SLX4IP: variants seen among roughly 807,000 people sequenced by gnomAD.
SLX4IP encodes the protein SLX4 interacting protein, also known as protein SLX4IP.
In SLX4IP, 34 loss-of-function variants were observed where a neutral mutation model predicts 32.9. That is an observed-to-expected ratio of 1.03 (90% CI 0.79 to 1.38). The LOEUF (loss-of-function observed/expected upper bound fraction) is 1.38, where lower values mean the gene tolerates loss of function less well. SLX4IP is among the 40% of genes most tolerant of loss of function. The pLI, the probability that SLX4IP is intolerant of heterozygous loss-of-function variation, is 0.00. For missense variants in SLX4IP, 444 were observed against 479.0 expected (o/e 0.93, Z 0.68); for synonymous variants, 172 against 171.7 (o/e 1.00, Z -0.01).
At chr20:10,454,087 A>G (rs992088884) in intron 1 of SLX4IP, among the ~76,000 whole-genome samples, 4 of 151,852 alleles carry the variant, frequency 2.6e-5, no homozygotes, top group Admixed American at 2.0e-4. Flanking sequence ...CTCCCTCCAT[A>G]CTTTGTTTCA....
chr20:10,474,032 A>G (rs225147), intron 2 of SLX4IP, among the ~76,000 whole-genome samples: 3,316 of 152,220 alleles, frequency 0.022, 57 homozygotes, highest in Middle Eastern at 0.099. Context: ...CATGTTGGCC[A>G]GACTGGTCTC....
intron 2 of SLX4IP, among the ~76,000 whole-genome samples, chr20:10,459,212 G>T (rs2065315172): frequency 6.6e-6 from 1 of 151,596 alleles, no homozygotes; most frequent in African/African-American, 2.4e-5. Context: ...GGCGTCATTT[G>T]TTTTTTTTCT....
intron 2 of SLX4IP, among the ~76,000 whole-genome samples, chr20:10,486,925 G>GT (rs33957420): frequency 0.57 from 84,944 of 148,682 alleles, 25,025 homozygotes; most frequent in South Asian, 0.73. Flanking sequence ...AACTTGCTCT[G>GT]TTTTTTTTTT....
intron 2 of SLX4IP, among the ~76,000 whole-genome samples, chr20:10,494,445 GTC>G (rs1485946981): frequency 6.6e-6 from 1 of 150,708 alleles, no homozygotes; most frequent in Non-Finnish European, 1.5e-5. Flanking sequence ...ATGCTTTTGA[GTC>G]TGTTATTAAT....
chr20:10,610,410 A>C (rs2066952475), intron 6 of SLX4IP, among the ~76,000 whole-genome samples: 1 of 152,242 alleles, frequency 6.6e-6, no homozygotes, highest in Non-Finnish European at 1.5e-5. Context: ...TTCCCCTTAG[A>C]GACCCGCCCT....
At chr20:10,480,302 A>C (rs1035772418) in intron 2 of SLX4IP, among the ~76,000 whole-genome samples, 1 of 151,878 alleles carries the variant, frequency 6.6e-6, no homozygotes, top group Non-Finnish European at 1.5e-5. Context: ...ATTGGGGCCG[A>C]GATGGGAGGA....
At chr20:10,474,564 CT>C (rs906510888) in intron 2 of SLX4IP, among the ~76,000 whole-genome samples, 2 of 151,846 alleles carry the variant, frequency 1.3e-5, no homozygotes, top group Non-Finnish European at 2.9e-5. Context: ...TTTCCTTTTT[CT>C]TTTTTCCCCC....
At chr20:10,592,955 A>T (rs913566533) in intron 4 of SLX4IP, among the ~76,000 whole-genome samples, 1 of 152,130 alleles carries the variant, frequency 6.6e-6, no homozygotes, top group Non-Finnish European at 1.5e-5. Context: ...AGTATATTAT[A>T]TGTTCCTAGT....
chr20:10,592,766 C>T (rs769157289), intron 4 of SLX4IP, among the ~76,000 whole-genome samples: 1 of 149,842 alleles, frequency 6.7e-6, no homozygotes, highest in Non-Finnish European at 1.5e-5. Context: ...TCCCAAGTAA[C>T]TGGGACTACA....
intron 2 of SLX4IP, among the ~76,000 whole-genome samples, chr20:10,549,710 T>C (rs1336808974): frequency 6.6e-6 from 1 of 152,230 alleles, no homozygotes; most frequent in East Asian, 1.9e-4. Context: ...AATCTTGGAC[T>C]AGACCTTCCC....
intron 2 of SLX4IP, among the ~76,000 whole-genome samples, chr20:10,534,960 A>G (rs2066026021): frequency 6.6e-6 from 1 of 152,188 alleles, no homozygotes; most frequent in African/African-American, 2.4e-5. Context: ...GATATGGTCA[A>G]CCTCTTACCA....
At chr20:10,499,758 G>A (rs1161882514) in intron 2 of SLX4IP, among the ~76,000 whole-genome samples, 1 of 152,214 alleles carries the variant, frequency 6.6e-6, no homozygotes, top group Non-Finnish European at 1.5e-5. Context: ...TTTTTAAAAT[G>A]TAGTCCTTTA....
At chr20:10,451,107 G>A (rs2065237976) in intron 1 of SLX4IP, among the ~76,000 whole-genome samples, 1 of 151,946 alleles carries the variant, frequency 6.6e-6, no homozygotes, top group Non-Finnish European at 1.5e-5. Flanking sequence ...TTTGAGTTAG[G>A]TATTATTACT....
At chr20:10,467,368 T>C (rs892771152) in intron 2 of SLX4IP, among the ~76,000 whole-genome samples, 8 of 152,204 alleles carry the variant, frequency 5.3e-5, no homozygotes, top group African/African-American at 1.7e-4. Context: ...AATGGTTATA[T>C]TCCTTACTGG....
rs370961344 is a variant in SLX4IP, at chr20:10,592,834, A to G, written c.239-5841A>G. ...ATTTTAGTAGAGACAGGGTTTCACC[A>G]TGTGAGCCAGGATGGTCTCGATCTC... On this transcript the variant is annotated intron_variant, in intron 4 of 7. Coordinates refer to ENST00000334534, the MANE Select transcript of SLX4IP (RefSeq NM_001009608.3). Among the ~76,000 whole-genome samples the G allele has an allele frequency of 2.7e-4, 41 of 151,894 alleles. 1 individual carries two copies. The highest frequency in any genetic ancestry group is 1.2e-3 in the East Asian group (6 of 5,138).
At chr20:10,579,406 T>C (rs2066557765) in intron 4 of SLX4IP, among the ~76,000 whole-genome samples, 1 of 152,042 alleles carries the variant, frequency 6.6e-6, no homozygotes, top group South Asian at 2.1e-4. Flanking sequence ...CTCAATTCTG[T>C]TTCTTTTTTT....
At chr20:10,618,999 A>T (rs1044197384) in intron 6 of SLX4IP, among the ~76,000 whole-genome samples, 22 of 152,064 alleles carry the variant, frequency 1.4e-4, no homozygotes, top group African/African-American at 5.1e-4. Flanking sequence ...AAGGGGAGTT[A>T]ATTGACCCTA....
intron 3 of SLX4IP, among the ~76,000 whole-genome samples, chr20:10,559,202 A>T (rs2122500609): frequency 6.6e-6 from 1 of 152,146 alleles, no homozygotes; most frequent in Middle Eastern, 3.4e-3. Flanking sequence ...TCAACTGTAA[A>T]GGGATATCTC....
intron 2 of SLX4IP, among the ~76,000 whole-genome samples, chr20:10,500,130 C>CTTTTTTTTT (rs34751503): frequency 1.8e-4 from 16 of 90,048 alleles, no homozygotes; most frequent in Non-Finnish European, 2.2e-4. Flanking sequence ...TGTCAAAATT[C>CTTTTTTTTT]TTTTTTTTTT....
Sources: allele counts gnomAD v4.1 joint callset (sites outside exome capture counted in the v4.1 genomes callset), GRCh38; gene constraint gnomAD v4.1.1; transcripts MANE v1.5; gene names NCBI Gene and HGNC (gene_info 2026-07-23, HGNC 2026-07-21).